CLEC18B: variants seen among roughly 807,000 people sequenced by gnomAD.
CLEC18B encodes the protein mannose receptor-like 2.
A neutral mutation model predicts 60.4 loss-of-function variants in CLEC18B; 5 were observed. The observed-to-expected ratio is 0.08, with a 90% CI of 0.04 to 0.17. The LOEUF (loss-of-function observed/expected upper bound fraction) is 0.17, where lower values mean the gene tolerates loss of function less well. CLEC18B is among the 10% of genes least tolerant of loss of function. CLEC18B has a pLI of 1.00. For missense variants in CLEC18B, 26 were observed against 572.8 expected (o/e 0.05, Z 9.74); for synonymous variants, 16 against 221.2 (o/e 0.07, Z 8.23).
intron 10 of CLEC18B, 122 bp from the exon 11 acceptor site, chr16:74,409,763 G>C (rs1348824429): frequency 6.2e-7 from 1 of 1,612,650 alleles, no homozygotes; most frequent in Non-Finnish European, 8.5e-7. Context: ...CCTGCCGACG[G>C]GGCTGCTGGG....
At chr16:74,412,596 G>A in intron 6 of CLEC18B, 177 bp downstream of exon 6, 1 of 1,554,364 alleles carries the variant, frequency 6.4e-7, no homozygotes, top group East Asian at 2.4e-5. Flanking sequence ...GCACAGCTCA[G>A]GGTCCGGCAA....
intron 2 of CLEC18B, among the ~76,000 whole-genome samples, chr16:74,419,939 C>A (rs549613060): frequency 6.2e-4 from 94 of 152,216 alleles, no homozygotes; most frequent in African/African-American, 2.1e-3. Flanking sequence ...CCCAACCCCG[C>A]AGCCCCAGCC....
At chr16:74,423,549 C>A (rs1302544163), upstream of CLEC18B, among the ~76,000 whole-genome samples, 1 of 152,242 alleles carries the variant, frequency 6.6e-6, no homozygotes, top group Admixed American at 6.5e-5. Flanking sequence ...ATTAGCTGGG[C>A]AGGGTGGTGG....
chr16:74,409,848 C>T, intron 10 of CLEC18B: 1 of 1,605,468 alleles, frequency 6.2e-7, no homozygotes. Flanking sequence ...ACAGCTCTGC[C>T]TACCCCATGG....
upstream of CLEC18B, chr16:74,421,694 C>G: frequency 3.1e-6 from 1 of 322,264 alleles, no homozygotes; most frequent in Admixed American, 4.8e-5. Context: ...GGACAGTGTC[C>G]TCCGAGCCCA....
At chr16:74,409,872 C>A (rs1220763524) in intron 10 of CLEC18B, 3 of 1,611,028 alleles carry the variant, frequency 1.9e-6, no homozygotes, top group Non-Finnish European at 2.5e-6. Flanking sequence ...CACTCAGCCA[C>A]ACCAGCCTGT....
At chr16:74,424,107 CTCTA>C (rs1355030358), upstream of CLEC18B, among the ~76,000 whole-genome samples, 2 of 152,242 alleles carry the variant, frequency 1.3e-5, no homozygotes, top group African/African-American at 4.8e-5. Flanking sequence ...TCACCTGTGT[CTCTA>C]TCTATCCCAC....
At chr16:74,423,380 C>T (rs1240020033), upstream of CLEC18B, among the ~76,000 whole-genome samples, 3 of 152,270 alleles carry the variant, frequency 2.0e-5, no homozygotes, top group East Asian at 5.9e-4. Flanking sequence ...GGTCCCATGG[C>T]CCTGGCTCAC....
At chr16:74,410,122 A>C (rs2013062045) in intron 10 of CLEC18B, among the ~76,000 whole-genome samples, 1 of 152,286 alleles carries the variant, frequency 6.6e-6, no homozygotes, top group Non-Finnish European at 1.5e-5. Context: ...TTCTTGCTAC[A>C]GGATGGCTGG....
chr16:74,420,154 T>A (rs1174015537), intron 2 of CLEC18B, among the ~76,000 whole-genome samples: 1 of 150,646 alleles, frequency 6.6e-6, no homozygotes, highest in African/African-American at 2.4e-5. Context: ...CCGCCCATCC[T>A]GCAGGGCTCC....
At chr16:74,423,566 G>A (rs1287211259), upstream of CLEC18B, among the ~76,000 whole-genome samples, 1 of 152,234 alleles carries the variant, frequency 6.6e-6, no homozygotes, top group Non-Finnish European at 1.5e-5. Context: ...GTGGGTGCCT[G>A]TAGTCCCAGC....
chr16:74,417,888 AG>A (rs1380518905), intron 3 of CLEC18B, among the ~76,000 whole-genome samples, 170 bp downstream of exon 3: 86 of 152,156 alleles, frequency 5.7e-4, no homozygotes, highest in African/African-American at 2.0e-3. Flanking sequence ...ACTGCACTCT[AG>A]CCTGCGCAAC....
intron 3 of CLEC18B, among the ~76,000 whole-genome samples, 193 bp from the exon 4 acceptor site, chr16:74,413,869 T>C (rs1178004099): frequency 1.3e-5 from 2 of 152,214 alleles, no homozygotes; most frequent in Non-Finnish European, 2.9e-5. Flanking sequence ...TATTTATTTA[T>C]TTATTTATTT....
rs748381210 is a variant in CLEC18B at position 74,418,125 on chromosome 16, CT to C, written c.389del (p.Glu130GlyfsTer46). On this transcript the variant is annotated frameshift_variant, in exon 3 of 12. Transcript: ENST00000682950. LOFTEE classifies it high-confidence loss of function. ...FVEVVSLWFA[E>X]GQRYSHAAGE... is the part of the protein sequence containing the mutation. ...CTGCCGCGTGGCTGTACCGCTGCCCCTCTGCAAACCACAGGCTGACCACTTC... is the reference window on the plus strand; with the variant it reads ...CTGCCGCGTGGCTGTACCGCTGCCCCCTGCAAACCACAGGCTGACCACTTC... 7.9e-6 allele frequency: 12 copies of C among 1,519,302 alleles called. 2 individuals are homozygous for C. In the African/African-American group the frequency reaches 1.7e-4, roughly 21 times the overall value. 94.1% of individuals were successfully genotyped at this position (1,519,302 alleles called of 1,614,324 possible).
intron 2 of CLEC18B, among the ~76,000 whole-genome samples, chr16:74,420,075 A>C (rs2013610179): frequency 1.3e-5 from 2 of 152,240 alleles, no homozygotes; most frequent in African/African-American, 2.4e-5. Flanking sequence ...GCTCAGGAGG[A>C]GGCGCTGGGT....
intron 10 of CLEC18B, among the ~76,000 whole-genome samples, chr16:74,410,110 G>T (rs2013061489): frequency 6.6e-6 from 1 of 152,278 alleles, no homozygotes; most frequent in Admixed American, 6.5e-5. Flanking sequence ...GTGACCAGAG[G>T]GTTCTTGCTA....
intron 3 of CLEC18B, among the ~76,000 whole-genome samples, chr16:74,414,197 A>C (rs2013321639): frequency 6.6e-6 from 1 of 152,274 alleles, no homozygotes; most frequent in African/African-American, 2.4e-5. Context: ...CTTAGTTGAG[A>C]GGGGGATGGA....
rs1239699309 is a variant in CLEC18B, at chr16:74,420,940, G to GTCCTCCTTCC, written c.124+197_124+206dup. Among the ~76,000 whole-genome samples the GTCCTCCTTCC allele has an allele frequency of 1.4e-4, 13 of 94,120 alleles. 5 individuals are homozygous for GTCCTCCTTCC. The highest frequency in any genetic ancestry group is 2.8e-4 in the African/African-American group (8 of 28,316). 61.7% of individuals were successfully genotyped at this position (94,120 alleles called of 152,430 possible). A position where few individuals can be genotyped will look rare whatever the true frequency, so the allele number is the denominator to read the frequency against. On this transcript the variant is annotated intron_variant, in intron 1 of 11. Transcript: ENST00000682950. Reference sequence around the variant, plus strand: ...GCGTTCCTCCTTGACCCCAGCCCTGGTCCTCCTTCCTCCTCCTTCCTCCTC... The same window carrying GTCCTCCTTCC: ...GCGTTCCTCCTTGACCCCAGCCCTGGTCCTCCTTCCTCCTCCTTCCTCCTCCTTCCTCCTC...
At chr16:74,423,865 G>A (rs1303463535), upstream of CLEC18B, among the ~76,000 whole-genome samples, 7 of 152,230 alleles carry the variant, frequency 4.6e-5, no homozygotes, top group East Asian at 1.9e-4. Context: ...ATCCAATGGC[G>A]TAGAGCTGGG....
Sources: gnomAD v4.1 joint callset for allele counts (sites outside exome capture counted in the v4.1 genomes callset) on GRCh38, gnomAD v4.1.1 for gene constraint, MANE v1.5 for transcripts, NCBI Gene and HGNC (gene_info 2026-07-23, HGNC 2026-07-21) for gene names.